The following GLI3 variants were observed in gnomAD, a reference collection of about 807,000 sequenced individuals.
GLI3 encodes the protein GLI family zinc finger 3.
A neutral mutation model predicts 100.8 loss-of-function variants in GLI3; 20 were observed. That is an observed-to-expected ratio of 0.20 (90% CI 0.14 to 0.29). GLI3 has a LOEUF of 0.29. GLI3 is among the 10% of genes least tolerant of loss of function. The pLI is 1.00. For synonymous variants in GLI3, 938 were observed against 860.5 expected (o/e 1.09, Z -1.58); for missense variants, 2,040 against 2,128.5 (o/e 0.96, Z 0.82).
Position 42,053,395 on chromosome 7 carries a change from C to G in GLI3, c.474-4699G>C, listed in dbSNP as rs559633484. On this transcript the variant is annotated intron_variant, in intron 4 of 14. Transcript: ENST00000395925. ...TGTGTTCACTGCTATGTGAGGGGCA[C>G]TCAGGATTATGACCAGAGGAGGGCT... Among the ~76,000 whole-genome samples the G allele has an allele frequency of 3.9e-5, 6 of 152,254 alleles. No individual in the cohort carries two copies. The East Asian group carries it at 9.7e-4, about 25-fold the overall frequency.
intron 10 of GLI3, among the ~76,000 whole-genome samples, chr7:42,006,728 G>C (rs1413190573): frequency 6.6e-6 from 1 of 152,146 alleles, no homozygotes; most frequent in East Asian, 1.9e-4. Context: ...GACCCAGCCA[G>C]GTAGAGCCCA....
intron 2 of GLI3, 48 bp from the exon 3 acceptor site, chr7:42,148,516 C>A: frequency 6.4e-7 from 1 of 1,565,284 alleles, no homozygotes; most frequent in Non-Finnish European, 8.8e-7. Flanking sequence ...CTTTAAGGAG[C>A]AATTAAAAAA....
At chr7:42,229,930 T>C (rs555937329) in intron 1 of GLI3, among the ~76,000 whole-genome samples, 1 of 152,206 alleles carries the variant, frequency 6.6e-6, no homozygotes, top group East Asian at 1.9e-4. Context: ...GAAAACCTCT[T>C]ATAGGTTTTT....
Position 41,966,498 on chromosome 7 carries a change from G to A in GLI3, c.2575C>T (p.Leu859=), listed in dbSNP as rs1787188597. 6 of 1,613,500 alleles carry A rather than the reference G, an allele frequency of 3.7e-6. No homozygotes were observed. Among genetic ancestry groups the A allele is most frequent in the Non-Finnish European group, 8.5e-7 (1 of 1,179,938 alleles). ...ATCCCTGAGGAGCGGCGGCTGCTCAGGTAGGCCGAGCTGATGGTGCTGGCG... is the reference window on the plus strand; with the variant it reads ...ATCCCTGAGGAGCGGCGGCTGCTCAAGTAGGCCGAGCTGATGGTGCTGGCG... ...SSASTISSAY[L]SSRRSSGISP... is the part of the protein sequence containing the mutation. The change falls in exon 15 of 15, where the codon CTG becomes TTG. Residue 859 remains leucine, a synonymous_variant. Coordinates refer to ENST00000395925, the MANE Select transcript of GLI3 (RefSeq NM_000168.6). The surrounding 1 kb of genome is among the most constrained non-coding windows in gnomAD (Gnocchi z 5.8).
intron 1 of GLI3, among the ~76,000 whole-genome samples, chr7:42,261,467 A>G (rs1789139903): frequency 6.6e-6 from 1 of 152,176 alleles, no homozygotes. Flanking sequence ...ATCCTCAGCT[A>G]TCCACTAACC....
chr7:42,082,110 C>A (rs1050583890), intron 3 of GLI3, among the ~76,000 whole-genome samples: 1 of 151,770 alleles, frequency 6.6e-6, no homozygotes, highest in Non-Finnish European at 1.5e-5. Context: ...CCAAAATCAC[C>A]ATCCAGCTTC....
intron 10 of GLI3, among the ~76,000 whole-genome samples, chr7:41,986,326 A>G (rs1787822081): frequency 6.6e-6 from 1 of 152,182 alleles, no homozygotes; most frequent in Non-Finnish European, 1.5e-5. Flanking sequence ...TTAACAAGGT[A>G]GATGTTTTAT....
chr7:42,255,673 T>C (rs1303201020), intron 1 of GLI3, among the ~76,000 whole-genome samples: 1 of 152,190 alleles, frequency 6.6e-6, no homozygotes, highest in Non-Finnish European at 1.5e-5. Flanking sequence ...GAGCATTCCA[T>C]TGTATAGATG....
At chr7:42,019,237 A>G (rs960577418) in intron 10 of GLI3, among the ~76,000 whole-genome samples, 4 of 152,240 alleles carry the variant, frequency 2.6e-5, no homozygotes, top group East Asian at 1.9e-4. Flanking sequence ...GAAGTTCTTT[A>G]TGTTTATTCC....
At chr7:42,202,346 T>TCACACA (rs59941465) in intron 2 of GLI3, among the ~76,000 whole-genome samples, 1 of 115,248 alleles carries the variant, frequency 8.7e-6, no homozygotes, top group African/African-American at 3.3e-5. Context: ...TCTCTCTCTC[T>TCACACA]CACACACACA....
intron 6 of GLI3, among the ~76,000 whole-genome samples, chr7:42,043,045 G>C (rs376773635): frequency 2.0e-5 from 3 of 152,266 alleles, no homozygotes; most frequent in African/African-American, 7.2e-5. Flanking sequence ...CCTGAACCCA[G>C]TTTATTGAGG....
At chr7:42,237,236 G>GCCCGCTCCCT (rs1408451252), upstream of GLI3, among the ~76,000 whole-genome samples, 4 of 151,426 alleles carry the variant, frequency 2.6e-5, no homozygotes, top group African/African-American at 9.7e-5. Context: ...CGCTGCCCCT[G>GCCCGCTCCCT]CCCGCTCCCT....
intron 2 of GLI3, among the ~76,000 whole-genome samples, chr7:42,155,944 C>T (rs1336901307): frequency 6.6e-6 from 1 of 152,198 alleles, no homozygotes; most frequent in East Asian, 1.9e-4. Flanking sequence ...TGCCCCTGAA[C>T]CCTCACAAAT....
At chr7:42,115,332 G>A (rs1195857230) in intron 3 of GLI3, among the ~76,000 whole-genome samples, 1 of 151,832 alleles carries the variant, frequency 6.6e-6, no homozygotes, top group African/African-American at 2.4e-5. Context: ...TAGAGACAGG[G>A]TTTCACCATA....
chr7:41,995,863 T>C (rs1788110342), intron 10 of GLI3, among the ~76,000 whole-genome samples: 1 of 152,198 alleles, frequency 6.6e-6, no homozygotes, highest in African/African-American at 2.4e-5. Flanking sequence ...CTATACTTGA[T>C]ACATATTCCA....
At chr7:42,103,747 C>T (rs1785515741) in intron 3 of GLI3, among the ~76,000 whole-genome samples, 1 of 138,828 alleles carries the variant, frequency 7.2e-6, no homozygotes, top group South Asian at 2.4e-4. Flanking sequence ...TATCCAAGAG[C>T]ACCCAAGATA....
chr7:42,159,143 C>A (rs1052263433), intron 2 of GLI3, among the ~76,000 whole-genome samples: 4 of 151,626 alleles, frequency 2.6e-5, no homozygotes, highest in Non-Finnish European at 5.9e-5. Flanking sequence ...AACAAACAAA[C>A]AAAAAAAACA....
At chr7:42,093,177 C>T (rs1439935696) in intron 3 of GLI3, among the ~76,000 whole-genome samples, 2 of 151,876 alleles carry the variant, frequency 1.3e-5, no homozygotes, top group Non-Finnish European at 1.5e-5. Context: ...GTCAGGAGTT[C>T]GAGACCAGCC....
At chr7:42,116,667 C>T (rs1785865727) in intron 3 of GLI3, among the ~76,000 whole-genome samples, 1 of 152,134 alleles carries the variant, frequency 6.6e-6, no homozygotes, top group Admixed American at 6.5e-5. Context: ...ATGGCCAAAG[C>T]ATTCTCCAAA....
Sources: gnomAD v4.1 joint callset for allele counts (sites outside exome capture counted in the v4.1 genomes callset) on GRCh38, gnomAD v4.1.1 for gene constraint, Gnocchi (gnomAD v3.1) non-coding constraint, MANE v1.5 for transcripts, NCBI Gene and HGNC (gene_info 2026-07-23, HGNC 2026-07-21) for gene names.